The following ENTREP2 variants were observed in gnomAD, a reference collection of about 807,000 sequenced individuals.
ENTREP2 encodes endosomal transmembrane epsin interactor 2.
chr15:29,665,283 A>G, the ENTREP2 span, among the ~76,000 whole-genome samples: 1 of 152,206 alleles, frequency 6.6e-6, no homozygotes, highest in East Asian at 1.9e-4. Flanking sequence ...AAAATTCACC[A>G]TAGGTTTCAT....
the ENTREP2 span, among the ~76,000 whole-genome samples, chr15:29,202,679 CCT>C: frequency 6.6e-6 from 1 of 152,108 alleles, no homozygotes; most frequent in Admixed American, 6.5e-5. Context: ...TATTCCCCTC[CCT>C]GTGTCCATGT....
chr15:29,160,798 G>T, the ENTREP2 span, among the ~76,000 whole-genome samples: 4 of 149,978 alleles, frequency 2.7e-5, no homozygotes, highest in African/African-American at 7.4e-5. Context: ...ATTTATTTCC[G>T]CTAGTTCATT....
At chr15:29,364,589 A>T in the ENTREP2 span, among the ~76,000 whole-genome samples, 1 of 152,296 alleles carries the variant, frequency 6.6e-6, no homozygotes, top group East Asian at 1.9e-4. Context: ...AAGGCAGAAC[A>T]CTTACTCCCG....
chr15:29,461,068 C>A, the ENTREP2 span, among the ~76,000 whole-genome samples: 5 of 152,126 alleles, frequency 3.3e-5, no homozygotes, highest in Non-Finnish European at 7.3e-5. Context: ...GGCATCAACA[C>A]GAGGATGACT....
the ENTREP2 span, among the ~76,000 whole-genome samples, chr15:29,243,069 C>T: frequency 6.6e-6 from 1 of 152,220 alleles, no homozygotes; most frequent in Non-Finnish European, 1.5e-5. Context: ...GGATGCTGGA[C>T]AGCGCTCCGA....
chr15:29,352,528 C>T, the ENTREP2 span, among the ~76,000 whole-genome samples: 1 of 152,232 alleles, frequency 6.6e-6, no homozygotes, highest in South Asian at 2.1e-4. Flanking sequence ...CGGTCTCATT[C>T]CCCGGCTGCC....
the ENTREP2 span, among the ~76,000 whole-genome samples, chr15:29,446,015 G>A: frequency 6.6e-6 from 1 of 152,074 alleles, no homozygotes; most frequent in Admixed American, 6.5e-5. Flanking sequence ...TGAGAGTGAG[G>A]GCTGGAAAAA....
the ENTREP2 span, among the ~76,000 whole-genome samples, chr15:29,247,887 C>T: frequency 6.6e-6 from 1 of 152,190 alleles, no homozygotes; most frequent in African/African-American, 2.4e-5. Flanking sequence ...AGGAATTGTC[C>T]ACTCCTGCAG....
At chr15:29,203,768 G>A in the ENTREP2 span, among the ~76,000 whole-genome samples, 1 of 152,080 alleles carries the variant, frequency 6.6e-6, no homozygotes, top group Non-Finnish European at 1.5e-5. Flanking sequence ...CCTTTGCTGT[G>A]ATCAACTGGA....
the ENTREP2 span, among the ~76,000 whole-genome samples, chr15:29,478,026 T>TATATATATATATA: frequency 8.0e-6 from 1 of 125,642 alleles, no homozygotes; most frequent in African/African-American, 3.2e-5. Context: ...TATATTTTTT[T>TATATATATATATA]TTTTTTTTTT....
At chr15:29,329,926 C>T in the ENTREP2 span, among the ~76,000 whole-genome samples, 1 of 152,292 alleles carries the variant, frequency 6.6e-6, no homozygotes, top group East Asian at 1.9e-4. Context: ...TATGTAGATA[C>T]TCCGCCCTCA....
the ENTREP2 span, among the ~76,000 whole-genome samples, chr15:29,410,974 C>T: frequency 4.6e-5 from 7 of 152,194 alleles, no homozygotes; most frequent in South Asian, 6.2e-4. Flanking sequence ...TTAGTAGAGA[C>T]GTGGTTTCAC....
the ENTREP2 span, among the ~76,000 whole-genome samples, chr15:29,378,129 T>C: frequency 6.6e-6 from 1 of 151,882 alleles, no homozygotes; most frequent in Admixed American, 6.6e-5. Context: ...GTTCAAGTCC[T>C]AGCTCATTAC....
chr15:29,554,302 G>A, the ENTREP2 span, among the ~76,000 whole-genome samples: 274 of 146,824 alleles, frequency 1.9e-3, 1 homozygote, highest in Middle Eastern at 0.014. Flanking sequence ...GCGACAGAGC[G>A]AGACTCCGTC....
chr15:29,289,082 C>T, the ENTREP2 span, among the ~76,000 whole-genome samples: 1 of 151,918 alleles, frequency 6.6e-6, no homozygotes, highest in African/African-American at 2.4e-5. Context: ...TGGTGTATGC[C>T]TGCAGTCCCA....
At chr15:29,264,275 G>A in the ENTREP2 span, among the ~76,000 whole-genome samples, 5 of 151,970 alleles carry the variant, frequency 3.3e-5, no homozygotes, top group Non-Finnish European at 5.9e-5. Context: ...GGCCAAATCA[G>A]GGACAATTTG....
the ENTREP2 span, among the ~76,000 whole-genome samples, chr15:29,607,867 C>T: frequency 1.1e-4 from 16 of 150,126 alleles, no homozygotes; most frequent in South Asian, 3.1e-3. Context: ...GATAGATAGA[C>T]AGAGAAAGGG....
chr15:29,301,837 C>T, the ENTREP2 span, among the ~76,000 whole-genome samples: 2 of 152,226 alleles, frequency 1.3e-5, no homozygotes, highest in Non-Finnish European at 2.9e-5. Context: ...CCAGCCCCTT[C>T]CACCATGTGA....
the ENTREP2 span, among the ~76,000 whole-genome samples, chr15:29,394,342 T>C: frequency 6.6e-6 from 1 of 152,168 alleles, no homozygotes; most frequent in Non-Finnish European, 1.5e-5. Context: ...AGAAACAATG[T>C]CATTGAACTA....
Sources: gnomAD v4.1 joint callset for allele counts (sites outside exome capture counted in the v4.1 genomes callset) on GRCh38, gnomAD v4.1.1 for gene constraint, MANE v1.5 for transcripts, NCBI Gene and HGNC (gene_info 2026-07-23, HGNC 2026-07-21) for gene names.